Variants in RBP7 observed in about 807,000 individuals in gnomAD.
RBP7 encodes retinol binding protein 7.
In RBP7, 13 loss-of-function variants were observed where a neutral mutation model predicts 16.7. That is an observed-to-expected ratio of 0.78 (90% confidence interval 0.51 to 1.24). The LOEUF (loss-of-function observed/expected upper bound fraction) is 1.24. Among genes scored for constraint, RBP7 ranks in the 50% most tolerant of loss-of-function variants. The probability of loss-of-function intolerance (pLI) is 0.00; values close to 1 mark genes in which losing one functional copy is unlikely to be tolerated. For synonymous variants in RBP7, 54 were observed against 56.2 expected (o/e 0.96, Z 0.17); for missense variants, 145 against 159.5 (o/e 0.91, Z 0.49).
intron 3 of RBP7, among the ~76,000 whole-genome samples, chr1:10,010,379 G>C (rs1430826077): frequency 6.6e-6 from 1 of 152,014 alleles, no homozygotes; most frequent in African/African-American, 2.4e-5. Context: ...GCCTCCCAAA[G>C]TTCTGGGATT....
chr1:10,003,562 CG>C (rs769760308), intron 1 of RBP7, among the ~76,000 whole-genome samples: 53 of 152,288 alleles, frequency 3.5e-4, no homozygotes, highest in Non-Finnish European at 6.0e-4. Context: ...CTCTTTTCTG[CG>C]GGAGCAGTCA....
intron 1 of RBP7, chr1:10,007,159 T>G (rs1200008075): frequency 3.2e-6 from 1 of 312,084 alleles, no homozygotes; most frequent in Admixed American, 4.9e-5. Context: ...TTGATCAGGC[T>G]GGTCTCAAAC....
rs1055624275 is a variant in RBP7, at chr1:10,007,843, T to C, written c.252+95T>C. 2.6e-6 allele frequency: 3 copies of C among 1,141,742 alleles called. No individual in the cohort carries two copies. The African/African-American group carries it at 4.7e-5, about 18-fold the overall frequency. 70.7% of individuals were successfully genotyped at this position (1,141,742 alleles called of 1,614,324 possible). A position where few individuals can be genotyped will look rare whatever the true frequency, so the allele number is the denominator to read the frequency against. ...AGGCGGACCACCTGAGGTCAGTAGT[T>C]TGAGACCAGCCTGGGCAACACGGCA... On this transcript the variant is annotated intron_variant, in intron 2 of 3. Coordinates refer to ENST00000294435, the MANE Select transcript of RBP7 (RefSeq NM_052960.3).
At chr1:10,006,853 T>C (rs1211756476) in intron 1 of RBP7, 1 of 353,388 alleles carries the variant, frequency 2.8e-6, no homozygotes, top group Non-Finnish European at 5.5e-6. Flanking sequence ...TCAAATGCTC[T>C]CTTAATTCAA....
rs17034483 is a variant in RBP7 at position 10,011,576 on chromosome 1, C to G, written c.354+3302C>G. On this transcript the variant is annotated intron_variant, in intron 3 of 3. Transcript: ENST00000294435. ...GGTGAAGATTCAAATACAGGTCTGACAAGAATGTGTGCTCTCAGCTCTGTG... is the reference window on the plus strand; with the variant it reads ...GGTGAAGATTCAAATACAGGTCTGAGAAGAATGTGTGCTCTCAGCTCTGTG... Among the ~76,000 whole-genome samples the G allele has an allele frequency of 2.1e-4, 32 of 152,298 alleles. No homozygotes were observed. In the East Asian group the frequency reaches 3.7e-3, roughly 17 times the overall value.
intron 3 of RBP7, among the ~76,000 whole-genome samples, chr1:10,008,864 C>T (rs1642526710): frequency 6.6e-6 from 1 of 152,104 alleles, no homozygotes; most frequent in Non-Finnish European, 1.5e-5. Context: ...CATGCAAATA[C>T]TCATGGAACA....
intron 3 of RBP7, among the ~76,000 whole-genome samples, chr1:10,011,243 T>G (rs3003376): frequency 1.3e-5 from 2 of 151,940 alleles, no homozygotes; most frequent in African/African-American, 4.8e-5. Context: ...GATAGTCATC[T>G]GTCTTTGTAT....
At chr1:10,004,896 G>T (rs1489777768) in intron 1 of RBP7, among the ~76,000 whole-genome samples, 1 of 152,146 alleles carries the variant, frequency 6.6e-6, no homozygotes, top group Non-Finnish European at 1.5e-5. Flanking sequence ...GGGAGGCTGA[G>T]GTGGGAAGAT....
intron 3 of RBP7, among the ~76,000 whole-genome samples, chr1:10,013,636 C>T (rs1642689462): frequency 6.6e-6 from 1 of 151,956 alleles, no homozygotes; most frequent in Non-Finnish European, 1.5e-5. Flanking sequence ...TGGTGAAATG[C>T]TGTCTCTACT....
At chr1:10,003,431 TAAACAAAC>T (rs538936882) in intron 1 of RBP7, among the ~76,000 whole-genome samples, 2 of 151,976 alleles carry the variant, frequency 1.3e-5, no homozygotes, top group South Asian at 2.1e-4. Flanking sequence ...TCTGTCTGAA[TAAACAAAC>T]AAACAAACAA....
chr1:10,002,428 T>C (rs1352134038), intron 1 of RBP7, among the ~76,000 whole-genome samples: 1 of 152,044 alleles, frequency 6.6e-6, no homozygotes, highest in Non-Finnish European at 1.5e-5. Context: ...TTTGGACTGT[T>C]GGACTGTTGA....
chr1:10,015,657 C>T, intron 3 of RBP7, 125 bp from the exon 4 acceptor site: 1 of 758,014 alleles, frequency 1.3e-6, no homozygotes, highest in Admixed American at 2.2e-5. Flanking sequence ...AGTGAGACCC[C>T]ATCTCATAAA....
intron 1 of RBP7, among the ~76,000 whole-genome samples, chr1:10,004,954 C>T (rs575320329): frequency 6.6e-6 from 1 of 152,228 alleles, no homozygotes; most frequent in Non-Finnish European, 1.5e-5. Flanking sequence ...GATTGCACCA[C>T]TGCAGTCCAG....
At position 10,010,462 on chromosome 1, in the gene RBP7, G is replaced by T. The variant is rs375613416; in HGVS notation, c.354+2188G>T. The stretch of plus-strand genomic sequence containing the variant: ...GACAGAGTCTCCCTCTGTCATCCAG[G>T]CTTGAGTGCAGTGGCGCAATCTCGG... On this transcript the variant is annotated intron_variant, in intron 3 of 3. Coordinates refer to ENST00000294435, the MANE Select transcript of RBP7 (RefSeq NM_052960.3). Among the ~76,000 whole-genome samples the T allele has an allele frequency of 5.9e-4, 90 of 152,070 alleles. 1 individual carries two copies. The highest frequency in any genetic ancestry group is 2.0e-3 in the African/African-American group (85 of 41,504).
chr1:10,015,341 G>A (rs1642746674), intron 3 of RBP7, among the ~76,000 whole-genome samples: 1 of 151,766 alleles, frequency 6.6e-6, no homozygotes, highest in African/African-American at 2.4e-5. Flanking sequence ...TCAGGAGGCC[G>A]AGGCAGAAGA....
At position 10,007,590 on chromosome 1, in the gene RBP7, A is replaced by G. The variant is rs756300012; in HGVS notation, c.94A>G (p.Lys32Glu). ...LALGIDFATR[K>E]IAKLLKPQKV... is the part of the protein sequence containing the mutation. ...TTAAGGTATTGACTTTGCCACTCGT[A>G]AAATAGCCAAGTTGCTGAAGCCACA... Residue 32 changes from lysine (K) to glutamate (E), a missense_variant, in exon 2 of 4, where the codon AAA becomes GAA. Transcript: ENST00000294435. The G allele has an allele frequency of 8.1e-6, 13 of 1,610,158 alleles. No individual in the cohort carries two copies. The highest frequency in any genetic ancestry group is 1.1e-5 in the Non-Finnish European group (13 of 1,178,966).
chr1:10,005,018 AT>A (rs954259520), intron 1 of RBP7, among the ~76,000 whole-genome samples: 1 of 152,062 alleles, frequency 6.6e-6, no homozygotes, highest in African/African-American at 2.4e-5. Context: ...ATAGGAAGTG[AT>A]TTTAAGGTTT....
chr1:10,013,222 G>A (rs539255061), intron 3 of RBP7, among the ~76,000 whole-genome samples: 7 of 151,692 alleles, frequency 4.6e-5, no homozygotes, highest in Admixed American at 2.6e-4. Flanking sequence ...ACAGGCGCCC[G>A]CTACCATGCC....
In RBP7 at chr1:10,008,244, C is replaced by T; in HGVS notation, c.324C>T (p.Thr108=). ...QKGEKKNRGW[T]HWIEGDKLHL... is the part of the protein sequence containing the mutation. ...GAGAAAAGAAGAACAGAGGCTGGAC[C>T]CATTGGATCGAAGGAGACAAACTCC... Residue 108 remains threonine, a synonymous_variant, in exon 3 of 4, where the codon ACC becomes ACT. Transcript: ENST00000294435. The T allele has an allele frequency of 6.2e-7, 1 of 1,612,120 alleles. No homozygotes were observed. Among genetic ancestry groups the T allele is most frequent in the Non-Finnish European group, 8.5e-7 (1 of 1,178,654 alleles).
Sources: gnomAD v4.1 joint callset for allele counts (sites outside exome capture counted in the v4.1 genomes callset) on GRCh38, gnomAD v4.1.1 for gene constraint, MANE v1.5 for transcripts, NCBI Gene and HGNC (gene_info 2026-07-23, HGNC 2026-07-21) for gene names.